SERPINE2: variants seen among roughly 807,000 people sequenced by gnomAD.
The protein encoded by SERPINE2 is serpin family E member 2.
Under a neutral mutation model 36.3 loss-of-function variants are expected in SERPINE2, and 14 were observed. The observed-to-expected ratio is 0.39, with a 90% CI of 0.25 to 0.60. The LOEUF is 0.60. Ranked by LOEUF, SERPINE2 falls within the 20% of genes least tolerant of loss-of-function variation. The pLI is 0.57. For synonymous variants in SERPINE2, 192 were observed against 191.8 expected (o/e 1.00, Z -0.01); for missense variants, 418 against 499.6 (o/e 0.84, Z 1.56).
intron 1 of SERPINE2, among the ~76,000 whole-genome samples, chr2:224,024,652 A>G (rs1018119377): frequency 2.6e-5 from 4 of 152,158 alleles, no homozygotes. Flanking sequence ...TTCCCCACCA[A>G]TGAACTTCAG....
At chr2:224,019,097 A>G (rs1341498015) in intron 1 of SERPINE2, among the ~76,000 whole-genome samples, 1 of 152,194 alleles carries the variant, frequency 6.6e-6, no homozygotes, top group Non-Finnish European at 1.5e-5. Context: ...AACTGCAGGA[A>G]ATACGTTCTA....
At chr2:223,996,968 C>A (rs11884404) in intron 3 of SERPINE2, among the ~76,000 whole-genome samples, 4 of 151,920 alleles carry the variant, frequency 2.6e-5, no homozygotes, top group Non-Finnish European at 5.9e-5. Context: ...TTCCAGCTAC[C>A]GGAAAGGCTG....
At chr2:224,010,669 T>G (rs569919376) in intron 1 of SERPINE2, among the ~76,000 whole-genome samples, 11 of 152,344 alleles carry the variant, frequency 7.2e-5, no homozygotes, top group African/African-American at 2.4e-4. Flanking sequence ...TTCATCCGTC[T>G]TAGCTTTGTC....
In SERPINE2 at chr2:224,002,514, A is replaced by G. The variant is rs1037492183; in HGVS notation, c.-22-592T>C. The stretch of plus-strand genomic sequence containing the variant: ...TATTTTTATTTATTTATTTATTTTG[A>G]AACAGTCTCACTCTGCTGCCCAGGC... On this transcript the variant is annotated intron_variant, in intron 1 of 8. Coordinates refer to ENST00000409304, the MANE Select transcript of SERPINE2 (RefSeq NM_001136528.2). 5.3e-5 allele frequency among the ~76,000 whole-genome samples: 8 copies of G among 151,782 alleles called. No homozygotes were observed. In the South Asian group the frequency reaches 1.7e-3, roughly 32 times the overall value.
At chr2:223,987,821 T>A (rs1195193449) in intron 4 of SERPINE2, among the ~76,000 whole-genome samples, 1 of 152,166 alleles carries the variant, frequency 6.6e-6, no homozygotes, top group Admixed American at 6.5e-5. Flanking sequence ...CTCACTGAAA[T>A]GTTAAGAGCT....
chr2:223,987,656 T>A (rs1446052369), intron 4 of SERPINE2, among the ~76,000 whole-genome samples: 1 of 152,194 alleles, frequency 6.6e-6, no homozygotes, highest in Non-Finnish European at 1.5e-5. Context: ...ACAAAACTTC[T>A]AATGGGAGAC....
intron 1 of SERPINE2, among the ~76,000 whole-genome samples, chr2:224,020,886 C>T (rs1691976230): frequency 6.6e-6 from 1 of 152,180 alleles, no homozygotes; most frequent in African/African-American, 2.4e-5. Context: ...TATTGCTTGC[C>T]TGAAGCCCCA....
rs577303994 is a variant in SERPINE2 at position 224,031,394 on chromosome 2, G to T, written c.-23+7705C>A. On this transcript the variant is annotated intron_variant, in intron 1 of 8. Transcript: ENST00000409304. ...CTCTAGGAGACCACATAGAGATTCC[G>T]TTGGGGGGAAAACAGAAAGAAAGGC... 11 of 985,418 alleles carry T rather than the reference G, an allele frequency of 1.1e-5. No individual in the cohort carries two copies. The African/African-American group carries it at 1.7e-4, about 16-fold the overall frequency. The allele number at this position is 985,418 out of a possible 1,614,324, so 61.0% of individuals were successfully genotyped here.
intron 1 of SERPINE2, among the ~76,000 whole-genome samples, chr2:224,031,687 C>A (rs888331417): frequency 1.3e-5 from 2 of 152,138 alleles, no homozygotes; most frequent in African/African-American, 4.8e-5. Context: ...CTGCCCACAG[C>A]CATTGGTACA....
intron 3 of SERPINE2, among the ~76,000 whole-genome samples, chr2:223,992,300 A>C (rs917506637): frequency 3.3e-5 from 5 of 152,116 alleles, no homozygotes; most frequent in African/African-American, 1.2e-4. Context: ...CAGGCTTTAA[A>C]AAAATCTTAC....
At chr2:224,005,340 A>G (rs1691384367) in intron 1 of SERPINE2, among the ~76,000 whole-genome samples, 2 of 151,954 alleles carry the variant, frequency 1.3e-5, no homozygotes, top group Admixed American at 1.3e-4. Context: ...ACAGTTTCAT[A>G]AAAGTGCACT....
At chr2:224,021,324 G>A (rs1219304297) in intron 1 of SERPINE2, among the ~76,000 whole-genome samples, 2 of 152,160 alleles carry the variant, frequency 1.3e-5, no homozygotes, top group African/African-American at 2.4e-5. Context: ...CATTTCAAAC[G>A]GAGCTTGAGA....
chr2:223,996,271 A>G (rs1690885308), intron 3 of SERPINE2, among the ~76,000 whole-genome samples: 2 of 152,204 alleles, frequency 1.3e-5, no homozygotes, highest in African/African-American at 4.8e-5. Context: ...CCACAGAGTC[A>G]GGACCAAGAA....
chr2:224,038,803 C>G (rs1466949136), intron 1 of SERPINE2: 1 of 427,310 alleles, frequency 2.3e-6, no homozygotes, highest in Non-Finnish European at 4.1e-6. Flanking sequence ...GCGGGTATCA[C>G]TGGACGCCAC....
At chr2:224,016,039 T>C (rs897843290) in intron 1 of SERPINE2, among the ~76,000 whole-genome samples, 1 of 152,268 alleles carries the variant, frequency 6.6e-6, no homozygotes, top group African/African-American at 2.4e-5. Context: ...TTCAACATCA[T>C]TAGCCACTGG....
intron 1 of SERPINE2, among the ~76,000 whole-genome samples, chr2:224,019,102 G>GTT (rs776493026): frequency 1.4e-4 from 21 of 152,156 alleles, no homozygotes; most frequent in Non-Finnish European, 2.9e-4. Flanking sequence ...CAGGAAATAC[G>GTT]TTCTAAGACC....
intron 1 of SERPINE2, chr2:224,013,966 T>G (rs1279935753): frequency 1.3e-5 from 2 of 152,388 alleles, no homozygotes; most frequent in African/African-American, 4.8e-5. Context: ...TTGGATAAGG[T>G]GGGCTGGCAG....
At chr2:224,028,786 C>T (rs906197472) in intron 1 of SERPINE2, among the ~76,000 whole-genome samples, 1 of 152,152 alleles carries the variant, frequency 6.6e-6, no homozygotes, top group Non-Finnish European at 1.5e-5. Context: ...TTTTGGGCTC[C>T]TCTGTGCCAG....
intron 1 of SERPINE2, among the ~76,000 whole-genome samples, chr2:224,013,449 G>A (rs1291668415): frequency 6.6e-6 from 1 of 152,164 alleles, no homozygotes; most frequent in East Asian, 1.9e-4. Flanking sequence ...TTTCCCTCTA[G>A]CTGGGTCCTG....
Sources: gnomAD v4.1 joint callset for allele counts (sites outside exome capture counted in the v4.1 genomes callset) on GRCh38, gnomAD v4.1.1 for gene constraint, MANE v1.5 for transcripts, NCBI Gene and HGNC (gene_info 2026-07-23, HGNC 2026-07-21) for gene names.